The following SGPP2 variants were observed in gnomAD, a reference collection of about 807,000 sequenced individuals.
SGPP2 encodes the protein sphingosine-1-phosphate phosphatase 2.
SGPP2 carries 30 observed loss-of-function variants against 33.9 expected under a neutral mutation model. That is an observed-to-expected ratio of 0.89 (90% CI 0.66 to 1.20). The LOEUF is 1.20. Among genes scored for constraint, SGPP2 ranks in the 50% most tolerant of loss-of-function variants. The probability of loss-of-function intolerance (pLI) is 0.00; values close to 1 mark genes in which losing one functional copy is unlikely to be tolerated. For missense variants in SGPP2, 458 were observed against 532.1 expected (o/e 0.86, Z 1.37); for synonymous variants, 233 against 225.0 (o/e 1.04, Z -0.32).
intron 1 of SGPP2, among the ~76,000 whole-genome samples, chr2:222,442,521 A>G (rs1042081699): frequency 1.1e-4 from 17 of 152,202 alleles, no homozygotes; most frequent in African/African-American, 4.1e-4. Flanking sequence ...TCGTAAGTAC[A>G]GAAAAACATC....
At chr2:222,430,863 C>A (rs1697143341) in intron 1 of SGPP2, among the ~76,000 whole-genome samples, 2 of 152,038 alleles carry the variant, frequency 1.3e-5, no homozygotes, top group Admixed American at 6.5e-5. Context: ...GACCAGTACT[C>A]TTCAAAACTG....
intron 1 of SGPP2, among the ~76,000 whole-genome samples, chr2:222,457,125 G>A (rs370373006): frequency 6.6e-6 from 1 of 151,918 alleles, no homozygotes; most frequent in African/African-American, 2.4e-5. Context: ...AGTAGCCCAG[G>A]AGGAGCCTTA....
chr2:222,489,008 G>A (rs1698157419), intron 2 of SGPP2, among the ~76,000 whole-genome samples: 1 of 152,176 alleles, frequency 6.6e-6, no homozygotes, highest in Non-Finnish European at 1.5e-5. Flanking sequence ...CTGTAACTTG[G>A]AAATTAGCAA....
chr2:222,499,403 G>C (rs565827172), intron 2 of SGPP2, among the ~76,000 whole-genome samples: 1 of 152,314 alleles, frequency 6.6e-6, no homozygotes, highest in African/African-American at 2.4e-5. Flanking sequence ...CGGCCAGCCT[G>C]CTCCCCTGCT....
chr2:222,527,238 GTA>G (rs1464811493), intron 4 of SGPP2, among the ~76,000 whole-genome samples: 1 of 151,934 alleles, frequency 6.6e-6, no homozygotes, highest in African/African-American at 2.4e-5. Context: ...TGCACACTTA[GTA>G]GACAACAGAA....
intron 1 of SGPP2, among the ~76,000 whole-genome samples, chr2:222,432,162 G>A (rs1697167187): frequency 6.6e-6 from 1 of 152,248 alleles, no homozygotes; most frequent in Non-Finnish European, 1.5e-5. Context: ...ATCTCAGGCT[G>A]TCTCTGTGCA....
At chr2:222,424,520 G>C, upstream of SGPP2, 1 of 995,726 alleles carries the variant, frequency 1.0e-6, no homozygotes, top group Non-Finnish European at 1.3e-6. Flanking sequence ...CGGGATCGGC[G>C]GGGGCGAGGC....
At position 222,476,160 on chromosome 2, in the gene SGPP2, GAGA is replaced by G. The variant is rs1235794929; in HGVS notation, c.378+1438_378+1440del. ...CAGAAGCACTTGGTTGGGTATAAAA[GAGA>G]AGATTTTAGCAAGTGACTTTCCTAT... On this transcript the variant is annotated intron_variant, in intron 2 of 4. Coordinates refer to ENST00000321276, the MANE Select transcript of SGPP2 (RefSeq NM_152386.4). The surrounding 1 kb of genome is among the most constrained non-coding windows in gnomAD (Gnocchi z 4.3). 2.6e-5 allele frequency among the ~76,000 whole-genome samples: 4 copies of G among 152,194 alleles called. No homozygotes were observed. The highest frequency in any genetic ancestry group is 9.7e-5 in the African/African-American group (4 of 41,448).
In SGPP2 at chr2:222,560,735, A is replaced by AT. The variant is rs1689521786; in HGVS notation, c.*1842dup. ...TAACGTGTTAAAACCGAAAAATCAC[A>AT]TTTTTCTTGATTTCAAATATGTTCT... On this transcript the variant is annotated 3_prime_UTR_variant, in exon 5 of 5. Transcript: ENST00000321276. 6.6e-6 allele frequency: 1 copy of AT among 152,086 alleles called. No individual in the cohort carries two copies. The highest frequency in any genetic ancestry group is 2.4e-5 in the African/African-American group (1 of 41,402). 9.4% of individuals were successfully genotyped at this position (152,086 alleles called of 1,614,324 possible).
At chr2:222,429,549 G>A (rs372604383) in intron 1 of SGPP2, among the ~76,000 whole-genome samples, 1 of 152,180 alleles carries the variant, frequency 6.6e-6, no homozygotes, top group African/African-American at 2.4e-5. Context: ...ATTCATGCCC[G>A]TTATATCACC....
chr2:222,512,599 C>T (rs750734022), intron 2 of SGPP2, among the ~76,000 whole-genome samples: 71 of 152,100 alleles, frequency 4.7e-4, no homozygotes, highest in Admixed American at 8.5e-4. Context: ...AGAATAGTTT[C>T]ACTATCTAAA....
chr2:222,489,623 A>G (rs897584997), intron 2 of SGPP2, among the ~76,000 whole-genome samples: 2 of 152,150 alleles, frequency 1.3e-5, no homozygotes, highest in East Asian at 3.8e-4. Context: ...TGACTGTCCT[A>G]CAGGGCAGTC....
At chr2:222,542,360 G>A (rs889071130) in intron 4 of SGPP2, among the ~76,000 whole-genome samples, 3 of 152,164 alleles carry the variant, frequency 2.0e-5, no homozygotes, top group Admixed American at 6.5e-5. Context: ...TACTATAAAT[G>A]ACACTACCCC....
At chr2:222,480,287 T>C (rs556342528) in intron 2 of SGPP2, among the ~76,000 whole-genome samples, 1 of 152,344 alleles carries the variant, frequency 6.6e-6, no homozygotes, top group Non-Finnish European at 1.5e-5. Context: ...GAAATAGCAA[T>C]GCAAACATTG....
chr2:222,518,412 T>A (rs577751898), intron 2 of SGPP2, among the ~76,000 whole-genome samples: 5 of 152,314 alleles, frequency 3.3e-5, no homozygotes, highest in African/African-American at 9.6e-5. Context: ...ATTTTAAGTA[T>A]TTTTTTACCC....
At chr2:222,555,784 C>T (rs1482031267) in intron 4 of SGPP2, among the ~76,000 whole-genome samples, 2 of 152,226 alleles carry the variant, frequency 1.3e-5, no homozygotes, top group Middle Eastern at 3.4e-3. Flanking sequence ...TTCAGGGTAA[C>T]ATTAATAAAA....
chr2:222,535,957 ATC>A, intron 4 of SGPP2, among the ~76,000 whole-genome samples: 1 of 152,352 alleles, frequency 6.6e-6, no homozygotes, highest in Non-Finnish European at 1.5e-5. Flanking sequence ...CTGAGAATGC[ATC>A]CACTTTTCCC....
intron 1 of SGPP2, among the ~76,000 whole-genome samples, chr2:222,433,921 T>C (rs1447148916): frequency 6.6e-6 from 1 of 152,226 alleles, no homozygotes; most frequent in Admixed American, 6.5e-5. Context: ...TTTAACTTTT[T>C]TGACTTCTAA....
intron 1 of SGPP2, among the ~76,000 whole-genome samples, chr2:222,459,426 A>G (rs113201933): frequency 3.3e-5 from 5 of 152,238 alleles, no homozygotes; most frequent in African/African-American, 1.2e-4. Context: ...CTGAGATTAT[A>G]GGCATGAGCC....
Sources: allele counts gnomAD v4.1 joint callset (sites outside exome capture counted in the v4.1 genomes callset), GRCh38; gene constraint gnomAD v4.1.1; non-coding constraint Gnocchi (gnomAD v3.1); transcripts MANE v1.5; gene names NCBI Gene and HGNC (gene_info 2026-07-23, HGNC 2026-07-21).